The following ADK variants were observed in gnomAD, a reference collection of about 807,000 sequenced individuals.
ADK encodes the protein N6,N6-dimethyladenosine kinase.
In ADK, 24 loss-of-function variants were observed where a neutral mutation model predicts 44.7. The observed-to-expected ratio is 0.54, with a 90% CI of 0.39 to 0.76. The LOEUF is 0.76. Among genes scored for constraint, ADK ranks in the 30% least tolerant of loss-of-function variants. The probability of loss-of-function intolerance (pLI) is 0.00; values close to 1 mark genes in which losing one functional copy is unlikely to be tolerated. For synonymous variants in ADK, 128 were observed against 142.6 expected (o/e 0.90, Z 0.73); for missense variants, 321 against 425.1 (o/e 0.76, Z 2.15).
intron 6 of ADK, among the ~76,000 whole-genome samples, chr10:74,465,738 A>G (rs1846329714): frequency 6.6e-6 from 1 of 152,168 alleles, no homozygotes; most frequent in Non-Finnish European, 1.5e-5. Flanking sequence ...TCAAGGGTGG[A>G]AGCTTCATTA....
chr10:74,192,425 A>G (rs1014474656), intron 1 of ADK, among the ~76,000 whole-genome samples: 3 of 151,492 alleles, frequency 2.0e-5, no homozygotes, highest in Admixed American at 1.3e-4. Context: ...GCAAGTTTTC[A>G]CTATGTTGGT....
chr10:74,612,147 T>G (rs1852575923), intron 9 of ADK, among the ~76,000 whole-genome samples: 1 of 152,196 alleles, frequency 6.6e-6, no homozygotes, highest in African/African-American at 2.4e-5. Flanking sequence ...TTTTTACTTT[T>G]TAATAATAGC....
intron 6 of ADK, among the ~76,000 whole-genome samples, chr10:74,465,782 A>G (rs975634991): frequency 1.3e-5 from 2 of 152,286 alleles, no homozygotes; most frequent in African/African-American, 2.4e-5. Context: ...AATTTGGTCT[A>G]GTTTTGTATA....
At chr10:74,509,196 A>AT (rs11431842) in intron 6 of ADK, among the ~76,000 whole-genome samples, 2,706 of 144,608 alleles carry the variant, frequency 0.019, 67 homozygotes, top group African/African-American at 0.058. Context: ...ATACATTATG[A>AT]TTTTTTTTTT....
At chr10:74,537,218 G>C (rs1365174043) in intron 7 of ADK, among the ~76,000 whole-genome samples, 1 of 152,152 alleles carries the variant, frequency 6.6e-6, no homozygotes, top group Admixed American at 6.5e-5. Context: ...AATACATAGT[G>C]ACAAATTTCT....
intron 4 of ADK, among the ~76,000 whole-genome samples, chr10:74,340,826 T>G (rs773025972): frequency 3.9e-5 from 6 of 152,314 alleles, no homozygotes; most frequent in Admixed American, 6.5e-5. Flanking sequence ...TTTGAAAGAT[T>G]AAAATGGCTG....
At chr10:74,291,908 A>G (rs1307510199) in intron 3 of ADK, among the ~76,000 whole-genome samples, 2 of 152,118 alleles carry the variant, frequency 1.3e-5, no homozygotes, top group Non-Finnish European at 2.9e-5. Context: ...TGGAACAAAG[A>G]AAAAAGTGTA....
chr10:74,679,242 C>T (rs1037208075), intron 10 of ADK, among the ~76,000 whole-genome samples: 2 of 152,120 alleles, frequency 1.3e-5, no homozygotes, highest in Non-Finnish European at 2.9e-5. Context: ...ACTGGTCTGT[C>T]GACTGGTACC....
intron 6 of ADK, among the ~76,000 whole-genome samples, chr10:74,495,577 G>T (rs939168422): frequency 6.6e-6 from 1 of 152,176 alleles, no homozygotes; most frequent in African/African-American, 2.4e-5. Context: ...CAGGAAAAGG[G>T]TCAGAAGGGC....
At chr10:74,355,941 A>G (rs1842121398) in intron 4 of ADK, among the ~76,000 whole-genome samples, 1 of 150,662 alleles carries the variant, frequency 6.6e-6, no homozygotes, top group African/African-American at 2.4e-5. Flanking sequence ...GTTCCTACCA[A>G]GGATACCTCT....
intron 10 of ADK, among the ~76,000 whole-genome samples, chr10:74,705,060 T>C (rs549216521): frequency 6.6e-6 from 1 of 152,374 alleles, no homozygotes; most frequent in East Asian, 1.9e-4. Context: ...TTTCATCTAA[T>C]ACAGAGCATT....
chr10:74,235,726 T>C (rs1328354336), intron 3 of ADK, among the ~76,000 whole-genome samples: 2 of 152,218 alleles, frequency 1.3e-5, no homozygotes, highest in Non-Finnish European at 2.9e-5. Context: ...CCTTTCTTTC[T>C]GCTATGGTTT....
chr10:74,226,905 T>A (rs1844564226), intron 3 of ADK, among the ~76,000 whole-genome samples: 1 of 152,212 alleles, frequency 6.6e-6, no homozygotes, highest in Admixed American at 6.5e-5. Flanking sequence ...TCCTTGTAGT[T>A]TTTGACCTAC....
At chr10:74,342,926 T>C (rs1181410211) in intron 4 of ADK, among the ~76,000 whole-genome samples, 1 of 152,226 alleles carries the variant, frequency 6.6e-6, no homozygotes, top group Non-Finnish European at 1.5e-5. Context: ...TCTGTGACTA[T>C]AGTTGTGTTT....
At chr10:74,162,420 C>T (rs1238902078) in intron 1 of ADK, among the ~76,000 whole-genome samples, 1 of 152,050 alleles carries the variant, frequency 6.6e-6, no homozygotes, top group Non-Finnish European at 1.5e-5. Flanking sequence ...AAATACTTCA[C>T]GATTCTTTGG....
chr10:74,553,488 C>T (rs1171201425), intron 7 of ADK, among the ~76,000 whole-genome samples: 2 of 151,944 alleles, frequency 1.3e-5, no homozygotes, highest in African/African-American at 2.4e-5. Context: ...CATGAGCCAC[C>T]GCGCCTGGCC....
At chr10:74,213,424 A>G (rs540640811) in intron 2 of ADK, among the ~76,000 whole-genome samples, 3 of 152,270 alleles carry the variant, frequency 2.0e-5, no homozygotes, top group South Asian at 4.1e-4. Context: ...TTAATTTTAC[A>G]TAGTTTGACG....
At chr10:74,244,880 G>A (rs949961215) in intron 3 of ADK, among the ~76,000 whole-genome samples, 1 of 152,184 alleles carries the variant, frequency 6.6e-6, no homozygotes, top group African/African-American at 2.4e-5. Flanking sequence ...ATCCATTAGA[G>A]TCAAAATGGT....
chr10:74,269,616 T>C (rs1395543713), intron 3 of ADK, among the ~76,000 whole-genome samples: 1 of 152,198 alleles, frequency 6.6e-6, no homozygotes, highest in Non-Finnish European at 1.5e-5. Context: ...TTTAAGAATA[T>C]TGTGTTATAT....
Sources: gnomAD v4.1 joint callset for allele counts (sites outside exome capture counted in the v4.1 genomes callset) on GRCh38, gnomAD v4.1.1 for gene constraint, MANE v1.5 for transcripts, NCBI Gene and HGNC (gene_info 2026-07-23, HGNC 2026-07-21) for gene names.